Variants in PALM2AKAP2 observed in about 807,000 individuals in gnomAD.
The protein encoded by PALM2AKAP2 is PALM2 and AKAP2 fusion, also known as PALM2-AKAP2 fusion protein.
A neutral mutation model predicts 71.5 loss-of-function variants in PALM2AKAP2; 37 were observed. The ratio of observed to expected loss-of-function variants is 0.52; its 90% confidence interval spans 0.40 to 0.68. The LOEUF is 0.68. Ranked by LOEUF, PALM2AKAP2 falls within the 30% of genes least tolerant of loss-of-function variation. PALM2AKAP2 has a pLI of 0.00. For synonymous variants in PALM2AKAP2, 468 were observed against 478.8 expected (o/e 0.98, Z 0.29); for missense variants, 1,224 against 1,191.8 (o/e 1.03, Z -0.40).
intron 3 of PALM2AKAP2, among the ~76,000 whole-genome samples, chr9:109,908,343 T>C (rs968291900): frequency 6.6e-5 from 10 of 152,182 alleles, no homozygotes; most frequent in African/African-American, 2.4e-4. Context: ...TTGGGAGTGG[T>C]TTCATTTGCT....
At chr9:110,065,344 T>C (rs902597339) in intron 1 of PALM2AKAP2, among the ~76,000 whole-genome samples, 13 of 152,168 alleles carry the variant, frequency 8.5e-5, no homozygotes, top group Non-Finnish European at 1.3e-4. Flanking sequence ...TACTCCCACC[T>C]CAGCCTCCTG....
At chr9:110,156,772 A>G (rs985321561) in intron 3 of PALM2AKAP2, among the ~76,000 whole-genome samples, 5 of 152,218 alleles carry the variant, frequency 3.3e-5, no homozygotes, top group African/African-American at 1.2e-4. Flanking sequence ...TGTTTGGTGC[A>G]TAGAAAGACA....
At chr9:109,701,999 A>T (rs954838629) in intron 1 of PALM2AKAP2, among the ~76,000 whole-genome samples, 4 of 152,258 alleles carry the variant, frequency 2.6e-5, no homozygotes, top group Admixed American at 2.6e-4. Context: ...AATGCTCATC[A>T]TCACTGGCCA....
intron 6 of PALM2AKAP2, among the ~76,000 whole-genome samples, chr9:109,959,644 C>CAA (rs11441362): frequency 0.018 from 1,585 of 90,524 alleles, 24 homozygotes; most frequent in African/African-American, 0.046. Flanking sequence ...GACTCCGTCT[C>CAA]AAAAAAAAAA....
intron 1 of PALM2AKAP2, among the ~76,000 whole-genome samples, chr9:110,072,088 A>T (rs980715861): frequency 3.3e-5 from 5 of 152,242 alleles, no homozygotes; most frequent in African/African-American, 9.6e-5. Flanking sequence ...GTATAACCCT[A>T]AACCTATTGG....
upstream of PALM2AKAP2, chr9:110,048,457 C>G (rs1388826997): frequency 2.0e-6 from 1 of 511,946 alleles, no homozygotes; most frequent in African/African-American, 2.1e-5. Context: ...CCCCATCCAT[C>G]CCTCCGTCTT....
intron 1 of PALM2AKAP2, among the ~76,000 whole-genome samples, chr9:109,844,783 T>C (rs1828803920): frequency 6.6e-6 from 1 of 152,150 alleles, no homozygotes; most frequent in Non-Finnish European, 1.5e-5. Context: ...CTCAAGCCCC[T>C]GGGACTTACA....
intron 1 of PALM2AKAP2, among the ~76,000 whole-genome samples, chr9:109,753,525 G>T (rs970464652): frequency 2.0e-5 from 3 of 152,134 alleles, no homozygotes; most frequent in Non-Finnish European, 4.4e-5. Context: ...GGCTTTCTGT[G>T]ACTTTCTCAA....
chr9:109,836,259 A>T (rs528221771), intron 1 of PALM2AKAP2, among the ~76,000 whole-genome samples: 1 of 152,334 alleles, frequency 6.6e-6, no homozygotes, highest in East Asian at 1.9e-4. Context: ...GCTGATACCC[A>T]GGCAAACAGG....
At chr9:110,123,556 A>G (rs1835534123) in intron 1 of PALM2AKAP2, among the ~76,000 whole-genome samples, 2 of 152,180 alleles carry the variant, frequency 1.3e-5, no homozygotes. Flanking sequence ...GAACTTGTGG[A>G]GATGACTCAA....
At chr9:109,863,054 G>A (rs1375472584) in intron 1 of PALM2AKAP2, 1 of 423,016 alleles carries the variant, frequency 2.4e-6, no homozygotes, top group East Asian at 7.1e-5. Context: ...TTTAGGCAAG[G>A]GTCGGAGGTG....
chr9:110,085,045 G>A (rs1834536778), intron 1 of PALM2AKAP2, among the ~76,000 whole-genome samples: 1 of 151,960 alleles, frequency 6.6e-6, no homozygotes, highest in Admixed American at 6.6e-5. Context: ...CGGCCTAGAT[G>A]CAACCATACT....
chr9:110,168,596 A>T (rs1453442914), exon 4 of PALM2AKAP2: 1 of 1,380,370 alleles, frequency 7.2e-7, no homozygotes, highest in Non-Finnish European at 9.8e-7. Flanking sequence ...ATTAAAGTGC[A>T]AACAAACTCA....
At chr9:109,929,098 T>A (rs1232465580) in intron 5 of PALM2AKAP2, among the ~76,000 whole-genome samples, 3 of 152,036 alleles carry the variant, frequency 2.0e-5, no homozygotes, top group Admixed American at 6.5e-5. Flanking sequence ...AGCTATCTCC[T>A]GGAGGAGGCT....
At chr9:109,692,546 A>G (rs1334457037) in intron 1 of PALM2AKAP2, among the ~76,000 whole-genome samples, 1 of 151,994 alleles carries the variant, frequency 6.6e-6, no homozygotes, top group African/African-American at 2.4e-5. Flanking sequence ...TTAGTTTTTC[A>G]CCATTAGGTA....
intron 1 of PALM2AKAP2, among the ~76,000 whole-genome samples, chr9:109,835,600 C>T (rs147846145): frequency 0.036 from 5,550 of 152,208 alleles, 177 homozygotes; most frequent in Non-Finnish European, 0.045. Flanking sequence ...ACCCAGGAAG[C>T]GCAAGGGGTC....
chr9:109,713,786 G>C (rs1828276245), intron 1 of PALM2AKAP2, among the ~76,000 whole-genome samples: 1 of 152,192 alleles, frequency 6.6e-6, no homozygotes, highest in Non-Finnish European at 1.5e-5. Context: ...GAGCACAGGG[G>C]ATTTTTAGGG....
intron 1 of PALM2AKAP2, among the ~76,000 whole-genome samples, chr9:109,688,103 C>G (rs1383746867): frequency 2.0e-5 from 3 of 152,108 alleles, no homozygotes; most frequent in Non-Finnish European, 4.4e-5. Context: ...CACAGATCAC[C>G]ATAACAGATA....
At chr9:109,885,636 C>T (rs927050640) in intron 3 of PALM2AKAP2, among the ~76,000 whole-genome samples, 9 of 152,104 alleles carry the variant, frequency 5.9e-5, no homozygotes, top group African/African-American at 2.2e-4. Flanking sequence ...AAAGGACAAC[C>T]CAACCCTTGA....
Sources: allele counts gnomAD v4.1 joint callset (sites outside exome capture counted in the v4.1 genomes callset), GRCh38; gene constraint gnomAD v4.1.1; transcripts MANE v1.5; gene names NCBI Gene and HGNC (gene_info 2026-07-23, HGNC 2026-07-21).